The following FAM228B variants were observed in gnomAD, a reference collection of about 807,000 sequenced individuals.
FAM228B encodes the protein protein FAM228B.
In FAM228B, 38 loss-of-function variants were observed where a neutral mutation model predicts 42.6. The ratio of observed to expected loss-of-function variants is 0.89; its 90% CI spans 0.69 to 1.17. The LOEUF (loss-of-function observed/expected upper bound fraction) is 1.17. Ranked by LOEUF, FAM228B falls within the 50% of genes most tolerant of loss-of-function variation. The pLI is 0.00. For missense variants in FAM228B, 344 were observed against 367.3 expected (o/e 0.94, Z 0.52); for synonymous variants, 109 against 122.3 (o/e 0.89, Z 0.72).
At chr2:24,161,777 G>A (rs887713156) in intron 8 of FAM228B, among the ~76,000 whole-genome samples, 164 bp downstream of exon 8, 2 of 152,180 alleles carry the variant, frequency 1.3e-5, no homozygotes. Context: ...TGGTGAGGTG[G>A]CAACACTTCC....
chr2:24,125,237 G>A (rs1344478566), intron 2 of FAM228B, among the ~76,000 whole-genome samples: 3 of 152,058 alleles, frequency 2.0e-5, no homozygotes, highest in African/African-American at 7.2e-5. Flanking sequence ...AACAATAATA[G>A]CCAGGTGTGG....
chr2:24,133,726 A>G (rs1234255034), intron 2 of FAM228B, among the ~76,000 whole-genome samples: 1 of 152,164 alleles, frequency 6.6e-6, no homozygotes, highest in Non-Finnish European at 1.5e-5. Flanking sequence ...TTATTTCAAA[A>G]TCTGAAAATG....
chr2:24,146,706 C>G (rs1194351108), intron 5 of FAM228B, 42 bp from the exon 6 acceptor site: 3 of 1,387,994 alleles, frequency 2.2e-6, no homozygotes, highest in African/African-American at 2.9e-5. Context: ...GTTTACTACT[C>G]AGACTTGCAA....
intron 3 of FAM228B, among the ~76,000 whole-genome samples, chr2:24,108,115 T>C (rs994097339): frequency 6.6e-6 from 1 of 152,100 alleles, no homozygotes; most frequent in Non-Finnish European, 1.5e-5. Flanking sequence ...CCCACAGAAA[T>C]ACAAAACACC....
At chr2:24,127,198 C>T (rs1184930434) in intron 2 of FAM228B, among the ~76,000 whole-genome samples, 1 of 152,130 alleles carries the variant, frequency 6.6e-6, no homozygotes, top group Admixed American at 6.6e-5. Flanking sequence ...TGGTATCATA[C>T]AATATGTGGT....
At chr2:24,078,508 A>G (rs1664859461) in intron 1 of FAM228B, among the ~76,000 whole-genome samples, 1 of 148,266 alleles carries the variant, frequency 6.7e-6, no homozygotes, top group South Asian at 2.1e-4. Flanking sequence ...AAAAAAGTAC[A>G]TGCTTTTCTC....
At chr2:24,120,162 G>A (rs181616143), upstream of FAM228B, among the ~76,000 whole-genome samples, 21 of 152,138 alleles carry the variant, frequency 1.4e-4, no homozygotes, top group Admixed American at 3.9e-4. Flanking sequence ...CCAGCTACTC[G>A]GTAAGCTGAG....
chr2:24,102,861 T>A (rs1451681162), intron 3 of FAM228B, among the ~76,000 whole-genome samples: 1 of 152,246 alleles, frequency 6.6e-6, no homozygotes, highest in Non-Finnish European at 1.5e-5. Flanking sequence ...ACTGTTAAAC[T>A]AATCAGCCAA....
At chr2:24,119,673 C>G, upstream of FAM228B, 1 of 1,609,428 alleles carries the variant, frequency 6.2e-7, no homozygotes, top group Non-Finnish European at 8.5e-7. Flanking sequence ...ACAACCACAC[C>G]AGTGTTCTCC....
intron 10 of FAM228B, 107 bp downstream of exon 10, chr2:24,167,790 G>T (rs1667462383): frequency 7.7e-7 from 1 of 1,296,578 alleles, no homozygotes; most frequent in East Asian, 2.6e-5. Context: ...GGAGGAAAGA[G>T]AAATAATGGG....
At chr2:24,109,109 T>A (rs1665746991) in intron 3 of FAM228B, among the ~76,000 whole-genome samples, 1 of 125,880 alleles carries the variant, frequency 7.9e-6, no homozygotes. Flanking sequence ...AGCCCAGAAA[T>A]AATGCCATAC....
rs1664942670 is a variant in FAM228B at position 24,080,351 on chromosome 2, T to A, written c.-289-525T>A. On this transcript the variant is annotated intron_variant, in intron 1 of 10. Coordinates refer to the FAM228B transcript ENST00000613899. The surrounding 1 kb of genome is among the most constrained non-coding windows in gnomAD (Gnocchi z 4.7). ...TCCTCAGTGACAGAGTGAGACTCCA[T>A]CTCAAAAAAAAAAAAGAAAGAGAAA... 6.9e-6 allele frequency among the ~76,000 whole-genome samples: 1 copy of A among 144,414 alleles called. No individual in the cohort carries two copies. Among genetic ancestry groups the A allele is most frequent in the Admixed American group, 6.8e-5 (1 of 14,620 alleles). 94.7% of individuals were successfully genotyped at this position (144,414 alleles called of 152,430 possible). A position where few individuals can be genotyped will look rare whatever the true frequency, so the allele number is the denominator to read the frequency against.
chr2:24,121,665 G>A (rs1457243909), upstream of FAM228B, among the ~76,000 whole-genome samples: 1 of 152,094 alleles, frequency 6.6e-6, no homozygotes, highest in African/African-American at 2.4e-5. Context: ...GGGGCCTAAT[G>A]GGAGGTATTT....
At chr2:24,167,163 A>G (rs796451584) in intron 9 of FAM228B, among the ~76,000 whole-genome samples, 1 of 152,320 alleles carries the variant, frequency 6.6e-6, no homozygotes, top group East Asian at 1.9e-4. Flanking sequence ...CAGGGCCGTC[A>G]AGGCAGTTGA....
intron 2 of FAM228B, among the ~76,000 whole-genome samples, chr2:24,090,035 A>G (rs1665353044): frequency 6.7e-6 from 1 of 149,994 alleles, no homozygotes; most frequent in Non-Finnish European, 1.5e-5. Flanking sequence ...GCACTTTGGG[A>G]GGCCAAGGCG....
At chr2:24,157,780 A>G (rs1667183548) in intron 7 of FAM228B, among the ~76,000 whole-genome samples, 1 of 151,756 alleles carries the variant, frequency 6.6e-6, no homozygotes, top group Non-Finnish European at 1.5e-5. Flanking sequence ...CCCTAGACAA[A>G]TGAAGTCAGA....
upstream of FAM228B, chr2:24,122,375 T>C: frequency 7.4e-7 from 1 of 1,342,872 alleles, no homozygotes; most frequent in African/African-American, 1.5e-5. Flanking sequence ...AGAATAGAAA[T>C]AATAAGTAAA....
chr2:24,078,403 C>A (rs533431742), intron 1 of FAM228B, among the ~76,000 whole-genome samples: 1 of 151,272 alleles, frequency 6.6e-6, no homozygotes, highest in South Asian at 2.1e-4. Context: ...GGTGGTATGC[C>A]TTCAGTCTTA....
chr2:24,122,655 T>A (rs1666158327), upstream of FAM228B: 5 of 707,544 alleles, frequency 7.1e-6, no homozygotes, highest in Non-Finnish European at 1.2e-5. Flanking sequence ...TCAGCAAGTG[T>A]ACTTTGAAAA....
Sources: gnomAD v4.1 joint callset for allele counts (sites outside exome capture counted in the v4.1 genomes callset) on GRCh38, gnomAD v4.1.1 for gene constraint, Gnocchi (gnomAD v3.1) non-coding constraint, MANE v1.5 for transcripts, NCBI Gene and HGNC (gene_info 2026-07-23, HGNC 2026-07-21) for gene names.